GALNT10: variants seen among roughly 807,000 people sequenced by gnomAD.
The protein encoded by GALNT10 is GalNAc transferase 10.
A neutral mutation model predicts 75.0 loss-of-function variants in GALNT10; 41 were observed. The ratio of observed to expected loss-of-function variants is 0.55; its 90% CI spans 0.43 to 0.71. GALNT10 has a LOEUF of 0.71. GALNT10 is among the 30% of genes least tolerant of loss of function. The pLI is 0.00. For missense variants in GALNT10, 727 were observed against 818.5 expected (o/e 0.89, Z 1.36); for synonymous variants, 302 against 313.0 (o/e 0.96, Z 0.37).
Position 154,420,159 on chromosome 5 carries a change from C to G in GALNT10, c.*3187C>G, listed in dbSNP as rs1313961992. ...ATTCTTCCCTTTAGGAAAAAATGCT[C>G]AGGCAGAACGGGGTACATCCACAGG... On this transcript the variant is annotated 3_prime_UTR_variant, in exon 12 of 12. Coordinates refer to ENST00000297107, the MANE Select transcript of GALNT10 (RefSeq NM_198321.4). 6.6e-6 allele frequency: 1 copy of G among 152,212 alleles called. No homozygotes were observed. The highest frequency in any genetic ancestry group is 2.4e-5 in the African/African-American group (1 of 41,450). The allele number at this position is 152,212 out of a possible 1,614,324, so 9.4% of individuals were successfully genotyped here.
intron 1 of GALNT10, among the ~76,000 whole-genome samples, chr5:154,277,846 T>G (rs942952600): frequency 1.3e-5 from 2 of 152,174 alleles, no homozygotes; most frequent in African/African-American, 4.8e-5. Context: ...GAACCATTCT[T>G]CTGGCTTCTG....
chr5:154,401,030 C>T (rs1756150411), intron 7 of GALNT10, among the ~76,000 whole-genome samples: 1 of 152,164 alleles, frequency 6.6e-6, no homozygotes, highest in South Asian at 2.1e-4. Flanking sequence ...ATGGAGTAAA[C>T]CCACTGACCA....
rs888042964 is a variant in GALNT10 at position 154,366,497 on chromosome 5, G to A, written c.569-9780G>A. On this transcript the variant is annotated intron_variant, in intron 4 of 11. Coordinates refer to ENST00000297107, the MANE Select transcript of GALNT10 (RefSeq NM_198321.4). ...GAATTAGAGGGTGAGTGAGTCAGCC[G>A]GATGTTGGAGCTATGTTGGTCTTTG... Among the ~76,000 whole-genome samples the A allele has an allele frequency of 3.9e-5, 6 of 152,128 alleles. No homozygotes were observed. In the South Asian group the frequency reaches 8.3e-4, roughly 21 times the overall value.
intron 4 of GALNT10, among the ~76,000 whole-genome samples, chr5:154,367,681 C>T (rs1410061486): frequency 6.6e-6 from 1 of 151,994 alleles, no homozygotes; most frequent in Non-Finnish European, 1.5e-5. Flanking sequence ...GTTGAAACCT[C>T]GTCTCTACTG....
intron 7 of GALNT10, among the ~76,000 whole-genome samples, chr5:154,391,850 C>T (rs945734234): frequency 2.1e-5 from 3 of 140,328 alleles, no homozygotes; most frequent in Non-Finnish European, 3.0e-5. Flanking sequence ...TCATGGAGAT[C>T]CTCAGCAGCC....
chr5:154,223,986 T>C (rs900255107), intron 1 of GALNT10, among the ~76,000 whole-genome samples: 2 of 152,066 alleles, frequency 1.3e-5, no homozygotes, highest in African/African-American at 4.8e-5. Context: ...TAAGTAATGA[T>C]GCAGAGGTGG....
chr5:154,197,315 C>T (rs1774960780), intron 1 of GALNT10, among the ~76,000 whole-genome samples: 2 of 152,194 alleles, frequency 1.3e-5, no homozygotes, highest in South Asian at 2.1e-4. Context: ...AAATTTCTCT[C>T]AAGCTGAAAA....
At chr5:154,211,404 T>C (rs943159379) in intron 1 of GALNT10, among the ~76,000 whole-genome samples, 1 of 152,200 alleles carries the variant, frequency 6.6e-6, no homozygotes, top group African/African-American at 2.4e-5. Flanking sequence ...AGCCAGTGTG[T>C]CTCAGGTCTT....
intron 7 of GALNT10, among the ~76,000 whole-genome samples, chr5:154,394,103 T>C (rs1755965218): frequency 6.6e-6 from 1 of 152,140 alleles, no homozygotes; most frequent in Non-Finnish European, 1.5e-5. Flanking sequence ...GAGGCAGGCT[T>C]GCAGGAGCAA....
In GALNT10 at chr5:154,376,216, G is replaced by T; in HGVS notation, c.569-61G>T. 1 of 1,014,044 alleles carries T rather than the reference G, an allele frequency of 9.9e-7. No homozygotes were observed. The highest frequency in any genetic ancestry group is 1.5e-6 in the Non-Finnish European group (1 of 649,380). 62.8% of individuals were successfully genotyped at this position (1,014,044 alleles called of 1,614,324 possible). Reference sequence around the variant, plus strand: ...GAAGTGCAGTTCACATGTAAGGGAGGAGTCATAAGGATGACTACTAAGCAA... The same window carrying T: ...GAAGTGCAGTTCACATGTAAGGGAGTAGTCATAAGGATGACTACTAAGCAA... On this transcript the variant is annotated intron_variant, in intron 4 of 11. Coordinates refer to ENST00000297107, the MANE Select transcript of GALNT10 (RefSeq NM_198321.4). This position sits in a 1 kb window ranked among gnomAD's most constrained non-coding sequence, Gnocchi z 4.1.
chr5:154,332,886 C>G (rs764195295), intron 4 of GALNT10, among the ~76,000 whole-genome samples: 2 of 152,190 alleles, frequency 1.3e-5, no homozygotes, highest in Non-Finnish European at 1.5e-5. Context: ...AGCAGGATCC[C>G]CCTCTGGGTA....
At chr5:154,191,851 T>C (rs1774865861) in intron 1 of GALNT10, among the ~76,000 whole-genome samples, 1 of 152,246 alleles carries the variant, frequency 6.6e-6, no homozygotes, top group Admixed American at 6.5e-5. Flanking sequence ...GTTGTAGTGT[T>C]TATTGCAGCC....
At position 154,404,153 on chromosome 5, in the gene GALNT10, G is replaced by C. The variant is rs768403210; in HGVS notation, c.1106G>C (p.Gly369Ala). The change falls in exon 8 of 12, where the codon GGC becomes GCC. Residue 369 changes from glycine (G) to alanine (A), a missense_variant. Physicochemically the swap from Gly to Ala is moderately conservative, Grantham distance 60 (BLOSUM62 0). Transcript: ENST00000297107. Reference protein sequence around the residue: ...RMEDIPCSRVGHIYRKYVPYK... With the variant: ...RMEDIPCSRVAHIYRKYVPYK... Reference sequence around the variant, plus strand: ...GAGGACATCCCCTGCTCCAGGGTGGGCCATATCTACAGGAAGTATGTGCCC... The same window carrying C: ...GAGGACATCCCCTGCTCCAGGGTGGCCCATATCTACAGGAAGTATGTGCCC... The C allele has an allele frequency of 6.2e-7, 1 of 1,613,472 alleles. No individual in the cohort carries two copies. The highest frequency in any genetic ancestry group is 1.1e-5 in the South Asian group (1 of 91,002).
At chr5:154,264,067 C>A (rs977733611) in intron 1 of GALNT10, among the ~76,000 whole-genome samples, 1 of 152,142 alleles carries the variant, frequency 6.6e-6, no homozygotes. Flanking sequence ...AATCCCAGTA[C>A]TTTGAGAGGC....
At chr5:154,326,711 C>T (rs1581975037) in intron 3 of GALNT10, among the ~76,000 whole-genome samples, 1 of 152,130 alleles carries the variant, frequency 6.6e-6, no homozygotes, top group South Asian at 2.1e-4. Context: ...ACACAGAAAG[C>T]AGATTAGGGA....
intron 1 of GALNT10, among the ~76,000 whole-genome samples, chr5:154,282,430 C>T (rs1754053189): frequency 6.6e-6 from 1 of 152,170 alleles, no homozygotes; most frequent in African/African-American, 2.4e-5. Context: ...ACAAGGATGT[C>T]AGGAAAATAT....
Position 154,380,460 on chromosome 5 carries a change from G to A in GALNT10, c.767G>A (p.Arg256Gln), listed in dbSNP as rs372572304. Residue 256 changes from arginine to glutamine, a missense_variant, in exon 6 of 12, where the codon CGG becomes CAG. By Grantham distance (43) the Arg-to-Gln change is conservative. Transcript: ENST00000297107. Reference protein sequence around the residue: ...WLPPLLDRIARNRKTIVCPMI... With the variant: ...WLPPLLDRIAQNRKTIVCPMI... ...TTGGCTTCTTCAGACCGCATTGCTC[G>A]GAACCGCAAGACCATTGTGTGCCCG... The A allele has an allele frequency of 1.3e-4, 212 of 1,613,708 alleles. 3 individuals carry two copies. The East Asian group carries it at 2.8e-3, about 22-fold the overall frequency.
intron 1 of GALNT10, among the ~76,000 whole-genome samples, chr5:154,216,288 G>A (rs1752870781): frequency 6.6e-6 from 1 of 152,050 alleles, no homozygotes; most frequent in Middle Eastern, 3.2e-3. Flanking sequence ...GTTATATACT[G>A]CATTTTTACG....
At chr5:154,342,017 G>C (rs535689009) in intron 4 of GALNT10, among the ~76,000 whole-genome samples, 1 of 152,220 alleles carries the variant, frequency 6.6e-6, no homozygotes, top group East Asian at 1.9e-4. Context: ...TCCCTTTTGC[G>C]GGTTGGGTGA....
Sources: allele counts gnomAD v4.1 joint callset (sites outside exome capture counted in the v4.1 genomes callset), GRCh38; gene constraint gnomAD v4.1.1; non-coding constraint Gnocchi (gnomAD v3.1); transcripts MANE v1.5; gene names NCBI Gene and HGNC (gene_info 2026-07-23, HGNC 2026-07-21).